The following HSPA14 variants were observed in gnomAD, a reference collection of about 807,000 sequenced individuals.
HSPA14 encodes heat shock protein family A (Hsp70) member 14, also known as heat shock 70 kDa protein 14.
In HSPA14, 37 loss-of-function variants were observed where a neutral mutation model predicts 65.5. That is an observed-to-expected ratio of 0.56 (90% confidence interval 0.43 to 0.74). HSPA14 has a LOEUF of 0.74. HSPA14 is among the 30% of genes least tolerant of loss of function. The pLI is 0.00. For synonymous variants in HSPA14, 203 were observed against 214.2 expected (o/e 0.95, Z 0.46); for missense variants, 564 against 607.6 (o/e 0.93, Z 0.75).
intron 12 of HSPA14, among the ~76,000 whole-genome samples, chr10:14,868,500 T>TTC (rs1048737861): frequency 2.3e-4 from 35 of 149,040 alleles, no homozygotes; most frequent in Middle Eastern, 3.6e-3. Context: ...TGCAGTTGCA[T>TTC]TCACACACAC....
intron 10 of HSPA14, among the ~76,000 whole-genome samples, chr10:14,858,391 A>G (rs1291804621): frequency 6.6e-6 from 1 of 152,218 alleles, no homozygotes; most frequent in African/African-American, 2.4e-5. Context: ...TCTAAGACAC[A>G]GGCTTTTGAG....
chr10:14,867,108 G>A lies in HSPA14; in HGVS notation c.1019G>A (p.Arg340Gln), dbSNP rs996049356. ...GTTGTCCTTTGTGGAGGGTCTTCTCGAATCCCAAAGCTACAGCAACTGATT... is the reference window on the plus strand; with the variant it reads ...GTTGTCCTTTGTGGAGGGTCTTCTCAAATCCCAAAGCTACAGCAACTGATT... Reference protein sequence around the residue: ...NKVVLCGGSSRIPKLQQLIKD... With the variant: ...NKVVLCGGSSQIPKLQQLIKD... Residue 340 changes from arginine (R) to glutamine (Q), a missense_variant, in exon 11 of 14, where the codon CGA (arginine) becomes CAA (glutamine). Transcript: ENST00000378372. The A allele has an allele frequency of 6.2e-6, 10 of 1,613,208 alleles. No individual in the cohort carries two copies. Among genetic ancestry groups the A allele is most frequent in the South Asian group, 2.2e-5 (2 of 91,030 alleles).
Position 14,840,172 on chromosome 10 carries a change from G to A in HSPA14, c.221+15G>A, listed in dbSNP as rs761762817. ...CTGGGCAGAAGGTATGGAATCAAAT[G>A]ATACTTTTAAATATGGTAATAGGAA... On this transcript the variant is annotated intron_variant, in intron 3 of 13. Coordinates refer to ENST00000378372, the MANE Select transcript of HSPA14 (RefSeq NM_016299.4). 7.9e-7 allele frequency: 1 copy of A among 1,264,118 alleles called. No homozygotes were observed. Among genetic ancestry groups the A allele is most frequent in the Non-Finnish European group, 1.1e-6 (1 of 928,374 alleles). 78.3% of individuals were successfully genotyped at this position (1,264,118 alleles called of 1,614,324 possible). A position where few individuals can be genotyped will look rare whatever the true frequency, so the allele number is the denominator to read the frequency against.
At chr10:14,867,669 A>G in intron 11 of HSPA14, 67 bp from the exon 12 acceptor site, 8 of 1,373,554 alleles carry the variant, frequency 5.8e-6, no homozygotes, top group Non-Finnish European at 7.0e-6. Flanking sequence ...CTCATTTATA[A>G]TGGGAAGTTT....
At chr10:14,870,343 A>G (rs1554766857) in intron 12 of HSPA14, among the ~76,000 whole-genome samples, 1 of 152,218 alleles carries the variant, frequency 6.6e-6, no homozygotes, top group Non-Finnish European at 1.5e-5. Context: ...ATTTTAATCT[A>G]GGACATGACA....
chr10:14,866,673 G>A (rs913345643), intron 10 of HSPA14, among the ~76,000 whole-genome samples: 2 of 152,068 alleles, frequency 1.3e-5, no homozygotes, highest in African/African-American at 4.8e-5. Flanking sequence ...TTCACTAAGA[G>A]AGAATAGCAA....
Position 14,842,636 on chromosome 10 carries a change from G to T in HSPA14, c.221+2479G>T. ...CAACTTAATGGAGGATGCTGCTTGGGCCAAGCACTGTGATCAGAACTTAGT... is the reference window on the plus strand; with the variant it reads ...CAACTTAATGGAGGATGCTGCTTGGTCCAAGCACTGTGATCAGAACTTAGT... On this transcript the variant is annotated intron_variant, in intron 3 of 13. Transcript: ENST00000378372. The surrounding 1 kb of genome is among the most constrained non-coding windows in gnomAD (Gnocchi z 5.2). The T allele has an allele frequency of 6.5e-7, 1 of 1,536,168 alleles. No homozygotes were observed. The highest frequency in any genetic ancestry group is 8.7e-7 in the Non-Finnish European group (1 of 1,146,932).
At chr10:14,866,693 C>T (rs574569756) in intron 10 of HSPA14, among the ~76,000 whole-genome samples, 3 of 151,950 alleles carry the variant, frequency 2.0e-5, no homozygotes, top group South Asian at 4.1e-4. Flanking sequence ...ATATTTGTCA[C>T]AAAAATGCTT....
intron 10 of HSPA14, among the ~76,000 whole-genome samples, chr10:14,862,611 G>A (rs1001923096): frequency 6.6e-6 from 1 of 151,906 alleles, no homozygotes; most frequent in African/African-American, 2.4e-5. Flanking sequence ...TCCTGACCTT[G>A]TAATCCGCCC....
intron 3 of HSPA14, chr10:14,841,389 T>A (rs892176885): frequency 2.6e-5 from 4 of 152,206 alleles, no homozygotes; most frequent in Admixed American, 6.5e-5. Context: ...ATGATTTTTT[T>A]AATTAAACTT....
In HSPA14 at chr10:14,842,275, C is replaced by T. The variant is rs1478635116; in HGVS notation, c.221+2118C>T. 4 of 1,535,036 alleles carry T rather than the reference C, an allele frequency of 2.6e-6. No homozygotes were observed. The Admixed American group carries it at 5.9e-5, about 23-fold the overall frequency. On this transcript the variant is annotated intron_variant, in intron 3 of 13. Transcript: ENST00000378372. This position sits in a 1 kb window ranked among gnomAD's most constrained non-coding sequence, Gnocchi z 5.2. Reference sequence around the variant, plus strand: ...TCCAGAAGCTGCCTAGCCCTCCTTTCCAACCCACAATGGCCAGTGCCAATA... The same window carrying T: ...TCCAGAAGCTGCCTAGCCCTCCTTTTCAACCCACAATGGCCAGTGCCAATA...
chr10:14,851,290 A>G lies in HSPA14; in HGVS notation c.539A>G (p.Tyr180Cys). 1 of 1,611,928 alleles carries G rather than the reference A, an allele frequency of 6.2e-7. No individual in the cohort carries two copies. Among genetic ancestry groups the G allele is most frequent in the South Asian group, 1.1e-5 (1 of 90,938 alleles). ...IHEPSAALLA[Y>C]GIGQDSPTGK... ...GAACCGTCTGCAGCTCTTCTTGCTT[A>G]TGGAATTGGACAAGACTCCCCTACT... The change falls in exon 7 of 14, where the codon TAT becomes TGT. Residue 180 changes from tyrosine (Y) to cysteine (C), a missense_variant. Physicochemically the swap from Tyr to Cys is radical, Grantham distance 194 (BLOSUM62 -2). Transcript: ENST00000378372.
intron 3 of HSPA14, chr10:14,846,931 C>T (rs1443825432): frequency 5.1e-6 from 5 of 985,364 alleles, no homozygotes; most frequent in Non-Finnish European, 6.0e-6. Context: ...TGTATACCAA[C>T]TTCTCACCAC....
chr10:14,843,901 A>G, intron 3 of HSPA14: 32 of 1,536,152 alleles, frequency 2.1e-5, no homozygotes, highest in Non-Finnish European at 2.7e-5. Context: ...CTAGGAACCA[A>G]TTACAAAAGG....
At chr10:14,844,227 C>A (rs1834014133) in intron 3 of HSPA14, 2 of 1,098,002 alleles carry the variant, frequency 1.8e-6, no homozygotes, top group African/African-American at 1.7e-5. Context: ...ATAACTCCTG[C>A]CCTGCCTACC....
Position 14,867,143 on chromosome 10 carries a change from T to C in HSPA14, c.1054T>C (p.Phe352Leu), listed in dbSNP as rs773263888. 1 of 1,613,784 alleles carries C rather than the reference T, an allele frequency of 6.2e-7. No individual in the cohort carries two copies. The highest frequency in any genetic ancestry group is 1.1e-5 in the South Asian group (1 of 91,074). The change falls in exon 11 of 14, where the codon TTC becomes CTC. Residue 352 changes from phenylalanine (F) to leucine (L), a missense_variant. Phe to Leu is a conservative substitution (Grantham distance 22, BLOSUM62 0). Transcript: ENST00000378372. ...PKLQQLIKDL[F>L]PAVELLNSIP... ...GCTACAGCAACTGATTAAAGATCTT[T>C]TCCCAGCTGTTGAGCTTCTCAATTC...
intron 3 of HSPA14, among the ~76,000 whole-genome samples, chr10:14,840,984 G>C (rs747913915): frequency 6.6e-6 from 1 of 152,110 alleles, no homozygotes; most frequent in Non-Finnish European, 1.5e-5. Flanking sequence ...CCTCACCCTC[G>C]GCCCCAGGTT....
chr10:14,838,503 CG>C (rs1833921529), intron 1 of HSPA14, 44 bp downstream of exon 1: 1 of 1,540,996 alleles, frequency 6.5e-7, no homozygotes, highest in East Asian at 2.4e-5. Context: ...GACGGCCACC[CG>C]GTTTTCTGGC....
intron 10 of HSPA14, among the ~76,000 whole-genome samples, chr10:14,862,090 G>T (rs1292023718): frequency 6.7e-6 from 1 of 148,194 alleles, no homozygotes; most frequent in Admixed American, 6.7e-5. Context: ...GCAGTGGCAC[G>T]ATCTCGGCTC....
Sources: gnomAD v4.1 joint callset for allele counts (sites outside exome capture counted in the v4.1 genomes callset) on GRCh38, gnomAD v4.1.1 for gene constraint, Gnocchi (gnomAD v3.1) non-coding constraint, MANE v1.5 for transcripts, NCBI Gene and HGNC (gene_info 2026-07-23, HGNC 2026-07-21) for gene names.